The following HIF1A variants were observed in gnomAD, a reference collection of about 807,000 sequenced individuals.
HIF1A encodes hypoxia-inducible factor 1-alpha.
A neutral mutation model predicts 92.7 loss-of-function variants in HIF1A; 24 were observed. The ratio of observed to expected loss-of-function variants is 0.26; its 90% CI spans 0.19 to 0.36. The LOEUF is 0.36. Among genes scored for constraint, HIF1A ranks in the 10% least tolerant of loss-of-function variants. The pLI, the probability that HIF1A is intolerant of heterozygous loss-of-function variation, is 1.00. For synonymous variants in HIF1A, 319 were observed against 338.7 expected (o/e 0.94, Z 0.64); for missense variants, 799 against 998.5 (o/e 0.80, Z 2.69).
chr14:61,726,938 C>T, intron 5 of HIF1A, 120 bp downstream of exon 5: 1 of 561,102 alleles, frequency 1.8e-6, no homozygotes, highest in Non-Finnish European at 3.1e-6. Context: ...GGTTATGTAA[C>T]ATTTATATCT....
rs769047618 is a variant in HIF1A at position 61,740,488 on chromosome 14, CAT to C, written c.1537-14_1537-13del. 31 of 1,539,480 alleles carry C rather than the reference CAT, an allele frequency of 2.0e-5. No homozygotes were observed. Among genetic ancestry groups the C allele is most frequent in the Non-Finnish European group, 2.6e-5 (30 of 1,138,002 alleles). On this transcript the variant is annotated splice_polypyrimidine_tract_variant and intron_variant, in intron 10 of 14. Transcript: ENST00000337138. ...GGAAGCTTCTTCAGGAAATAGTAAA[CAT>C]ATTTCTTTTTACAGCCTAATAGTCC...
In HIF1A at chr14:61,744,923, A is replaced by T. The variant is rs1012807019; in HGVS notation, c.2202+110A>T. 207 of 515,964 alleles carry T rather than the reference A, an allele frequency of 4.0e-4. 1 individual carries two copies. In the East Asian group the frequency reaches 6.7e-3, roughly 17 times the overall value. The allele number at this position is 515,964 out of a possible 1,614,324, so 32.0% of individuals were successfully genotyped here. A position where few individuals can be genotyped will look rare whatever the true frequency, so the allele number is the denominator to read the frequency against. ...CACGTTTCTTCCAAATAGTAAAGTT[A>T]TATTTTCAGAAGTTATACATTGGGT... On this transcript the variant is annotated intron_variant, in intron 13 of 14. Coordinates refer to ENST00000337138, the MANE Select transcript of HIF1A (RefSeq NM_001530.4).
Position 61,741,071 on chromosome 14 carries a change from A to G in HIF1A, c.1976A>G (p.Tyr659Cys), listed in dbSNP as rs2044704826. The G allele has an allele frequency of 3.7e-6, 6 of 1,613,836 alleles. No individual in the cohort carries two copies. Among genetic ancestry groups the G allele is most frequent in the South Asian group, 1.1e-5 (1 of 91,086 alleles). Residue 659 changes from tyrosine (Y) to cysteine (C), a missense_variant, in exon 12 of 15, where the codon TAT becomes TGT. Physicochemically the swap from Tyr to Cys is radical, Grantham distance 194 (BLOSUM62 -2). Transcript: ENST00000337138. ...ACTACTAGTGCCACATCATCACCAT[A>G]TAGAGATACTCAAAGTCGGACAGCC... ...KETTSATSSP[Y>C]RDTQSRTASP...
intron 14 of HIF1A, 96 bp from the exon 15 acceptor site, chr14:61,746,838 T>G: frequency 1.0e-6 from 1 of 984,942 alleles, no homozygotes; most frequent in Non-Finnish European, 1.5e-6. Flanking sequence ...TCCAGAATTT[T>G]GCTTTATTTT....
intron 1 of HIF1A, chr14:61,715,931 C>G (rs1240757134): frequency 1.3e-5 from 2 of 152,054 alleles, no homozygotes; most frequent in Non-Finnish European, 2.9e-5. Flanking sequence ...CCCACGATTT[C>G]GAGGCTGCAG....
At chr14:61,726,255 T>C (rs1044753341) in intron 4 of HIF1A, among the ~76,000 whole-genome samples, 4 of 152,166 alleles carry the variant, frequency 2.6e-5, no homozygotes, top group Non-Finnish European at 5.9e-5. Flanking sequence ...ATGTTATTTG[T>C]TATTAAAAAG....
chr14:61,720,150 G>T (rs1363639257), intron 1 of HIF1A, among the ~76,000 whole-genome samples: 1 of 152,160 alleles, frequency 6.6e-6, no homozygotes, highest in Non-Finnish European at 1.5e-5. Flanking sequence ...CAGGTTTAAA[G>T]CTTGGTTTTG....
intron 1 of HIF1A, chr14:61,715,660 C>G (rs997542853): frequency 2.6e-5 from 4 of 152,096 alleles, no homozygotes; most frequent in Admixed American, 1.3e-4. Flanking sequence ...GTTTAGAATA[C>G]CACTGTGTTA....
chr14:61,705,420 TTA>T (rs2140121251), intron 1 of HIF1A, among the ~76,000 whole-genome samples: 1 of 150,896 alleles, frequency 6.6e-6, no homozygotes, highest in East Asian at 1.9e-4. Context: ...TTTAACTCTA[TTA>T]AACAAAGCAC....
intron 14 of HIF1A, among the ~76,000 whole-genome samples, chr14:61,746,224 CAAAAAAA>C (rs912286333): frequency 1.2e-4 from 8 of 69,444 alleles, no homozygotes; most frequent in African/African-American, 2.6e-4. Context: ...GACTCTGCCT[CAAAAAAA>C]AAAAAAAAAA....
intron 2 of HIF1A, among the ~76,000 whole-genome samples, chr14:61,720,911 C>G (rs570861269): frequency 6.6e-6 from 1 of 152,098 alleles, no homozygotes; most frequent in Non-Finnish European, 1.5e-5. Context: ...CCCCTCCCCC[C>G]TTTTTCTCCT....
intron 1 of HIF1A, among the ~76,000 whole-genome samples, chr14:61,714,239 G>C (rs1404359534): frequency 6.6e-6 from 1 of 152,144 alleles, no homozygotes; most frequent in Non-Finnish European, 1.5e-5. Context: ...ACTCAGGTTA[G>C]TAAACAGTCT....
At chr14:61,713,210 C>T (rs1324505632) in intron 1 of HIF1A, among the ~76,000 whole-genome samples, 1 of 152,044 alleles carries the variant, frequency 6.6e-6, no homozygotes, top group Non-Finnish European at 1.5e-5. Context: ...TAGACCTTGT[C>T]CTGTGTACAT....
chr14:61,706,456 A>C (rs1000779065), intron 1 of HIF1A, among the ~76,000 whole-genome samples: 5 of 152,310 alleles, frequency 3.3e-5, no homozygotes, highest in Middle Eastern at 3.4e-3. Context: ...CTAGCTTCTT[A>C]TTCTTAGCAA....
At chr14:61,727,363 T>C (rs1329765693) in intron 5 of HIF1A, 90 bp from the exon 6 acceptor site, 1 of 884,664 alleles carries the variant, frequency 1.1e-6, no homozygotes, top group East Asian at 2.4e-5. Context: ...CAAAGCTTAC[T>C]GGCCATGTCA....
At chr14:61,720,041 G>GA (rs1939521010) in intron 1 of HIF1A, among the ~76,000 whole-genome samples, 1 of 152,154 alleles carries the variant, frequency 6.6e-6, no homozygotes, top group Admixed American at 6.6e-5. Flanking sequence ...TGAATTCTAT[G>GA]AAGTACAGCC....
chr14:61,738,869 T>C lies in HIF1A; in HGVS notation c.1536+496T>C, dbSNP rs112219717. On this transcript the variant is annotated intron_variant, in intron 10 of 14. Coordinates refer to ENST00000337138, the MANE Select transcript of HIF1A (RefSeq NM_001530.4). Reference sequence around the variant, plus strand: ...CTCCCACCTCAGCCTCCCAAGTAGCTGGGACTACAGGCCTGCATCACCATG... The same window carrying C: ...CTCCCACCTCAGCCTCCCAAGTAGCCGGGACTACAGGCCTGCATCACCATG... Among the ~76,000 whole-genome samples the C allele has an allele frequency of 6.1e-3, 925 of 152,314 alleles. 14 individuals are homozygous for C. The highest frequency in any genetic ancestry group is 0.021 in the African/African-American group (863 of 41,562).
intron 12 of HIF1A, 92 bp from the exon 13 acceptor site, chr14:61,744,613 G>A (rs2044754189): frequency 1.8e-6 from 1 of 556,054 alleles, no homozygotes; most frequent in Admixed American, 3.6e-5. Flanking sequence ...TAATATTGGA[G>A]AACTAAAGAA....
intron 8 of HIF1A, among the ~76,000 whole-genome samples, chr14:61,735,810 G>C (rs1165533535): frequency 7.9e-5 from 12 of 152,078 alleles, no homozygotes; most frequent in Non-Finnish European, 1.5e-4. Context: ...ATTTATCTGT[G>C]TATCTTTAGG....
Sources: gnomAD v4.1 joint callset for allele counts (sites outside exome capture counted in the v4.1 genomes callset) on GRCh38, gnomAD v4.1.1 for gene constraint, MANE v1.5 for transcripts, NCBI Gene and HGNC (gene_info 2026-07-23, HGNC 2026-07-21) for gene names.